ARID1B: variants seen among roughly 807,000 people sequenced by gnomAD.
ARID1B encodes AT-rich interaction domain 1B.
Under a neutral mutation model 212.3 loss-of-function variants are expected in ARID1B, and 30 were observed. The ratio of observed to expected loss-of-function variants is 0.14; its 90% CI spans 0.11 to 0.19. The LOEUF (loss-of-function observed/expected upper bound fraction) is 0.19, where lower values mean the gene tolerates loss of function less well. Among genes scored for constraint, ARID1B ranks in the 10% least tolerant of loss-of-function variants. The pLI is 1.00. For missense variants in ARID1B, 2,891 were observed against 3,204.0 expected (o/e 0.90, Z 2.36); for synonymous variants, 1,402 against 1,301.7 (o/e 1.08, Z -1.66).
intron 7 of ARID1B, among the ~76,000 whole-genome samples, chr6:157,134,807 G>A (rs957984312): frequency 6.6e-6 from 1 of 152,216 alleles, no homozygotes; most frequent in African/African-American, 2.4e-5. Context: ...CACAGAAAAT[G>A]CGGGCTTTTG....
At chr6:157,125,077 G>C (rs1359150970) in intron 6 of ARID1B, among the ~76,000 whole-genome samples, 1 of 152,204 alleles carries the variant, frequency 6.6e-6, no homozygotes, top group African/African-American at 2.4e-5. Context: ...TGGTGACTGC[G>C]TGTCCAGGGT....
At chr6:157,008,564 T>A (rs1347932582) in intron 4 of ARID1B, among the ~76,000 whole-genome samples, 1 of 152,174 alleles carries the variant, frequency 6.6e-6, no homozygotes, top group Non-Finnish European at 1.5e-5. Flanking sequence ...GACATCATTC[T>A]CTGACTTGGA....
chr6:157,001,448 C>T (rs1778908157), intron 4 of ARID1B, among the ~76,000 whole-genome samples: 1 of 152,214 alleles, frequency 6.6e-6, no homozygotes, highest in Non-Finnish European at 1.5e-5. Flanking sequence ...TTCTGGTTCA[C>T]TTTACACATT....
chr6:157,191,685 T>C (rs1203981414), intron 15 of ARID1B, among the ~76,000 whole-genome samples: 1 of 152,196 alleles, frequency 6.6e-6, no homozygotes, highest in Non-Finnish European at 1.5e-5. Context: ...AAGTGGAGAC[T>C]TGATATTTTG....
chr6:156,945,191 A>AC (rs1793007532), intron 4 of ARID1B, among the ~76,000 whole-genome samples: 2 of 102,230 alleles, frequency 2.0e-5, no homozygotes, highest in South Asian at 6.9e-4. Flanking sequence ...CGCCTCTGCC[A>AC]CCCAAAGTAC....
At chr6:156,893,869 G>T (rs1324179537) in intron 2 of ARID1B, among the ~76,000 whole-genome samples, 1 of 152,214 alleles carries the variant, frequency 6.6e-6, no homozygotes, top group Non-Finnish European at 1.5e-5. Context: ...GCCACTGTGA[G>T]AAGCAGTATG....
Position 157,203,940 on chromosome 6 carries a change from A to G in ARID1B, c.5338A>G (p.Thr1780Ala). 6.2e-7 allele frequency: 1 copy of G among 1,614,174 alleles called. No individual in the cohort carries two copies. Among genetic ancestry groups the G allele is most frequent in the Non-Finnish European group, 8.5e-7 (1 of 1,179,996 alleles). Reference sequence around the variant, plus strand: ...GGCTGAGAGTACGTGGGCTTTGGACACTATTAATATTCTTCTGTATGATGA... The same window carrying G: ...GGCTGAGAGTACGTGGGCTTTGGACGCTATTAATATTCTTCTGTATGATGA... The part of the protein sequence containing the change: ...LLAESTWALD[T>A]INILLYDDST... Residue 1780 changes from threonine (T) to alanine (A), a missense_variant, in exon 19 of 20, where the codon ACT (threonine) becomes GCT (alanine). Around this residue, in one of 7 missense-constraint regions of ARID1B, gnomAD observed 332 missense variants for 369.2 expected, o/e 0.90. Transcript: ENST00000636930. This position sits in a 1 kb window ranked among gnomAD's most constrained non-coding sequence, Gnocchi z 4.4.
intron 1 of ARID1B, among the ~76,000 whole-genome samples, chr6:156,790,599 T>C (rs1387925724): frequency 6.6e-6 from 1 of 152,234 alleles, no homozygotes; most frequent in Non-Finnish European, 1.5e-5. Context: ...TGTTGACTGT[T>C]GGAAAATTTT....
chr6:156,906,806 G>T (rs1789431897), intron 3 of ARID1B, among the ~76,000 whole-genome samples: 1 of 152,008 alleles, frequency 6.6e-6, no homozygotes, highest in South Asian at 2.1e-4. Context: ...GTACTTTTCA[G>T]TTTCTTTTAT....
At chr6:156,941,251 T>A (rs1480068942) in intron 4 of ARID1B, 1 of 152,192 alleles carries the variant, frequency 6.6e-6, no homozygotes, top group African/African-American at 2.4e-5. Flanking sequence ...AATGGAAGCC[T>A]CCTGTGCCAG....
chr6:157,126,004 ACT>A (rs1788112577), intron 6 of ARID1B, among the ~76,000 whole-genome samples: 1 of 152,140 alleles, frequency 6.6e-6, no homozygotes, highest in Admixed American at 6.5e-5. Flanking sequence ...TTTAAAAAAT[ACT>A]CTCTTATTCC....
intron 2 of ARID1B, among the ~76,000 whole-genome samples, chr6:156,897,118 TTG>T (rs1218950654): frequency 5.3e-5 from 8 of 152,018 alleles, no homozygotes; most frequent in Non-Finnish European, 5.9e-5. Context: ...TTTTTTGTTG[TTG>T]TGTGTGTTCA....
At chr6:156,871,706 G>C in intron 2 of ARID1B, 1 of 1,585,496 alleles carries the variant, frequency 6.3e-7, no homozygotes, top group Non-Finnish European at 8.6e-7. Context: ...GACAGCATAT[G>C]ACAGTGGGGG....
intron 1 of ARID1B, among the ~76,000 whole-genome samples, chr6:156,806,484 G>A (rs1781164936): frequency 6.6e-6 from 1 of 152,180 alleles, no homozygotes; most frequent in South Asian, 2.1e-4. Context: ...TTCAACCAGA[G>A]TTTAAATGGG....
In ARID1B at chr6:156,778,691, A is replaced by G. The variant is rs1028277389; in HGVS notation, c.1011A>G (p.Gln337=). 1.3e-6 allele frequency: 2 copies of G among 1,515,734 alleles called. No homozygotes were observed. Among genetic ancestry groups the G allele is most frequent in the Non-Finnish European group, 1.8e-6 (2 of 1,130,600 alleles). The allele number at this position is 1,515,734 out of a possible 1,614,324, so 93.9% of individuals were successfully genotyped here. A position where few individuals can be genotyped will look rare whatever the true frequency, so the allele number is the denominator to read the frequency against. Residue 337 remains glutamine (Q), a synonymous_variant, in exon 1 of 20, where the codon CAA becomes CAG. Transcript: ENST00000636930. ...GCCGCGCTGGGCCTTGCTTTGATCAACATGGCGGACAACAAAGCCCCGGGA... is the reference window on the plus strand; with the variant it reads ...GCCGCGCTGGGCCTTGCTTTGATCAGCATGGCGGACAACAAAGCCCCGGGA... The part of the protein sequence containing the change: ...PGGRAGPCFD[Q]HGGQQSPGMG...
intron 13 of ARID1B, chr6:157,184,748 T>G: frequency 2.5e-6 from 1 of 394,772 alleles, no homozygotes; most frequent in Non-Finnish European, 4.7e-6. Flanking sequence ...TTCAAAAAGA[T>G]TCCATCTACC....
chr6:156,853,057 G>A (rs1451313861), intron 2 of ARID1B, among the ~76,000 whole-genome samples: 4 of 152,104 alleles, frequency 2.6e-5, no homozygotes, highest in Non-Finnish European at 4.4e-5. Flanking sequence ...TACAGTGATC[G>A]GTTTGACTGG....
chr6:157,189,986 T>G, intron 14 of ARID1B, 52 bp from the exon 15 acceptor site: 1 of 1,602,062 alleles, frequency 6.2e-7, no homozygotes. Flanking sequence ...ATGTACTGTT[T>G]GGAGGTAACT....
rs1164498603 is a variant in ARID1B at position 157,210,013 on chromosome 6, C to G, written c.*2122C>G. ...GCATACATTGTGTCGGTTCACATTA[C>G]TCACAGTAATATATGGAAGAGTTAG... On this transcript the variant is annotated 3_prime_UTR_variant, in exon 20 of 20. Transcript: ENST00000636930. 4.3e-6 allele frequency: 1 copy of G among 233,064 alleles called. No individual in the cohort carries two copies. The highest frequency in any genetic ancestry group is 8.5e-6 in the Non-Finnish European group (1 of 118,006). 14.4% of individuals were successfully genotyped at this position (233,064 alleles called of 1,614,324 possible).
Sources: gnomAD v4.1 joint callset for allele counts (sites outside exome capture counted in the v4.1 genomes callset) on GRCh38, gnomAD v4.1.1 for gene constraint, gnomAD v4.1.1 regional missense constraint, Gnocchi (gnomAD v3.1) non-coding constraint, MANE v1.5 for transcripts, NCBI Gene and HGNC (gene_info 2026-07-23, HGNC 2026-07-21) for gene names.